The following PALLD variants were observed in gnomAD, a reference collection of about 807,000 sequenced individuals.
PALLD encodes palladin, cytoskeletal associated protein.
PALLD carries 61 observed loss-of-function variants against 123.5 expected under a neutral mutation model. That is an observed-to-expected ratio of 0.49 (90% confidence interval 0.40 to 0.61). The LOEUF is 0.61. PALLD is among the 20% of genes least tolerant of loss of function. PALLD has a pLI of 0.00. For synonymous variants in PALLD, 465 were observed against 496.4 expected (o/e 0.94, Z 0.84); for missense variants, 1,273 against 1,377.0 (o/e 0.92, Z 1.20).
chr4:168,702,613 G>C (rs1293643687), intron 8 of PALLD, among the ~76,000 whole-genome samples: 1 of 152,080 alleles, frequency 6.6e-6, no homozygotes, highest in Non-Finnish European at 1.5e-5. Flanking sequence ...CAGCATTTTG[G>C]CTCTAGCATT....
At chr4:168,512,536 G>A (rs1762615708) in intron 2 of PALLD, 124 bp downstream of exon 2, 1 of 922,310 alleles carries the variant, frequency 1.1e-6, no homozygotes, top group East Asian at 2.6e-5. Flanking sequence ...TACTTGCAAG[G>A]AGAGAAGCAG....
chr4:168,567,449 TA>T (rs1397145078), intron 2 of PALLD, among the ~76,000 whole-genome samples: 7 of 151,436 alleles, frequency 4.6e-5, no homozygotes, highest in Non-Finnish European at 1.0e-4. Context: ...CAGAGAAATA[TA>T]AATTAAAACC....
At chr4:168,616,349 A>T (rs575941727) in intron 2 of PALLD, among the ~76,000 whole-genome samples, 1 of 152,340 alleles carries the variant, frequency 6.6e-6, no homozygotes, top group Admixed American at 6.5e-5. Context: ...CTAAAAATAT[A>T]AAAAAGTAAT....
Position 168,788,628 on chromosome 4 carries a change from G to A in PALLD, c.1964+76705G>A, listed in dbSNP as rs559007592. ...CGCTGGTGTAAACTGTGGACTTTGG[G>A]TGATAATCATGTGTCATGAGGGTCA... On this transcript the variant is annotated intron_variant, in intron 10 of 21. Coordinates refer to ENST00000505667, the MANE Select transcript of PALLD (RefSeq NM_001166108.2). Among the ~76,000 whole-genome samples, 36 of 152,202 alleles carry A rather than the reference G, an allele frequency of 2.4e-4. 2 individuals carry two copies. The South Asian group carries it at 7.3e-3, about 31-fold the overall frequency.
chr4:168,845,237 G>A (rs191004653), intron 10 of PALLD, among the ~76,000 whole-genome samples: 1 of 152,206 alleles, frequency 6.6e-6, no homozygotes, highest in Non-Finnish European at 1.5e-5. Context: ...GTCAGAAATC[G>A]AACAAAATAT....
At chr4:168,925,155 C>T in intron 20 of PALLD, 77 bp downstream of exon 20, 1 of 1,584,252 alleles carries the variant, frequency 6.3e-7, no homozygotes. Flanking sequence ...CAGCAAATCA[C>T]ATTACTCTTT....
intron 2 of PALLD, among the ~76,000 whole-genome samples, chr4:168,615,633 G>A (rs1034648672): frequency 2.6e-5 from 4 of 152,116 alleles, no homozygotes; most frequent in Non-Finnish European, 4.4e-5. Context: ...GTTCCACCAA[G>A]GGATCCTCAG....
At chr4:168,825,823 A>T (rs1387539125) in intron 10 of PALLD, among the ~76,000 whole-genome samples, 1 of 152,200 alleles carries the variant, frequency 6.6e-6, no homozygotes, top group Non-Finnish European at 1.5e-5. Flanking sequence ...GCGACACAAG[A>T]TTCCTTGTTA....
At chr4:168,811,866 C>T (rs1007804120) in intron 10 of PALLD, among the ~76,000 whole-genome samples, 1 of 151,450 alleles carries the variant, frequency 6.6e-6, no homozygotes, top group Non-Finnish European at 1.5e-5. Context: ...TTCTGTTCAG[C>T]GTTGGATATT....
rs1432296291 is a variant in PALLD, at chr4:168,877,947, A to G, written c.1965-12975A>G. ...GCCATGCAGTCCTCCGGCTCCTTCAACTACGCGCGCCCCAAGCAGTTCATC... is the reference window on the plus strand; with the variant it reads ...GCCATGCAGTCCTCCGGCTCCTTCAGCTACGCGCGCCCCAAGCAGTTCATC... On this transcript the variant is annotated intron_variant, in intron 10 of 21. Transcript: ENST00000505667. The G allele has an allele frequency of 1.3e-6, 2 of 1,500,442 alleles. No homozygotes were observed. Among genetic ancestry groups the G allele is most frequent in the Non-Finnish European group, 1.8e-6 (2 of 1,130,134 alleles). 92.9% of individuals were successfully genotyped at this position (1,500,442 alleles called of 1,614,324 possible).
chr4:168,846,023 G>C (rs1746791918), intron 10 of PALLD, among the ~76,000 whole-genome samples: 1 of 152,178 alleles, frequency 6.6e-6, no homozygotes, highest in South Asian at 2.1e-4. Context: ...GCAAGTAGCT[G>C]TTCTAGGATA....
intron 2 of PALLD, among the ~76,000 whole-genome samples, chr4:168,602,349 G>A (rs895555413): frequency 2.0e-5 from 3 of 152,152 alleles, no homozygotes; most frequent in Admixed American, 6.5e-5. Flanking sequence ...CCAGGACTTC[G>A]AGTACAGGGA....
chr4:168,613,840 T>A (rs1439233713), intron 2 of PALLD, among the ~76,000 whole-genome samples: 3 of 152,192 alleles, frequency 2.0e-5, no homozygotes, highest in Non-Finnish European at 4.4e-5. Flanking sequence ...CCAAAGAGTA[T>A]TTAAAAACAT....
chr4:168,607,946 T>C (rs974435081), intron 2 of PALLD, among the ~76,000 whole-genome samples: 1 of 152,222 alleles, frequency 6.6e-6, no homozygotes, highest in African/African-American at 2.4e-5. Flanking sequence ...CTGTCTTTGC[T>C]GCCAATCTTA....
chr4:168,622,092 A>T (rs1460209935), intron 2 of PALLD, among the ~76,000 whole-genome samples: 1 of 152,144 alleles, frequency 6.6e-6, no homozygotes. Context: ...CTGCTTTAAA[A>T]ACAAATGAAC....
intron 10 of PALLD, among the ~76,000 whole-genome samples, chr4:168,795,170 C>CA (rs1738306970): frequency 6.6e-6 from 1 of 152,158 alleles, no homozygotes; most frequent in Non-Finnish European, 1.5e-5. Flanking sequence ...AGGATTTCAA[C>CA]ATAAGAATTA....
At chr4:168,600,799 C>A (rs1413807712) in intron 2 of PALLD, among the ~76,000 whole-genome samples, 1 of 152,120 alleles carries the variant, frequency 6.6e-6, no homozygotes, top group Non-Finnish European at 1.5e-5. Context: ...CAGTTACCAA[C>A]AGGGCACAAG....
intron 1 of PALLD, 124 bp from the exon 2 acceptor site, chr4:168,511,299 T>G: frequency 1.8e-6 from 1 of 557,912 alleles, no homozygotes; most frequent in Non-Finnish European, 3.2e-6. Flanking sequence ...TCTTCCAACT[T>G]GTAAAATAAA....
intron 2 of PALLD, among the ~76,000 whole-genome samples, chr4:168,569,068 A>G (rs1768706002): frequency 6.6e-6 from 1 of 152,180 alleles, no homozygotes; most frequent in South Asian, 2.1e-4. Context: ...GGACAGTGAC[A>G]GAGAAATATC....
Sources: allele counts gnomAD v4.1 joint callset (sites outside exome capture counted in the v4.1 genomes callset), GRCh38; gene constraint gnomAD v4.1.1; transcripts MANE v1.5; gene names NCBI Gene and HGNC (gene_info 2026-07-23, HGNC 2026-07-21).